Variants in RIGI observed in about 807,000 individuals in gnomAD.
RIGI encodes the protein RNA sensor RIG-I.
At chr9:32,495,965 T>A in the RIGI span, among the ~76,000 whole-genome samples, 29 of 152,352 alleles carry the variant, frequency 1.9e-4, no homozygotes, top group East Asian at 4.8e-3. Context: ...GTCTTTGAGT[T>A]GCAGGAGTTC....
At chr9:32,525,917 C>A in the RIGI span, 1 of 717,172 alleles carries the variant, frequency 1.4e-6, no homozygotes, top group East Asian at 2.8e-5. Flanking sequence ...CTGGCAACCT[C>A]TAGCCTAAAA....
chr9:32,523,898 C>G, the RIGI span, among the ~76,000 whole-genome samples: 1 of 151,946 alleles, frequency 6.6e-6, no homozygotes, highest in South Asian at 2.1e-4. Context: ...TCCTGCCTCT[C>G]TCTCCACAAT....
At chr9:32,479,682 C>T in the RIGI span, among the ~76,000 whole-genome samples, 2 of 151,714 alleles carry the variant, frequency 1.3e-5, no homozygotes, top group Admixed American at 1.3e-4. Context: ...ACTAAAAATA[C>T]AAAAATTAGC....
chr9:32,494,000 G>A, the RIGI span: 14 of 1,283,904 alleles, frequency 1.1e-5, no homozygotes, highest in South Asian at 5.6e-5. Flanking sequence ...AATACTTTGA[G>A]ATTAGTATCA....
At chr9:32,497,546 G>C in the RIGI span, among the ~76,000 whole-genome samples, 55 of 152,316 alleles carry the variant, frequency 3.6e-4, no homozygotes, top group Middle Eastern at 3.4e-3. Flanking sequence ...AGGAGATTGA[G>C]ACCATCCTGG....
chr9:32,488,706 A>C, the RIGI span: 1 of 1,497,244 alleles, frequency 6.7e-7, no homozygotes, highest in Non-Finnish European at 8.9e-7. Flanking sequence ...GCTGGAGAAA[A>C]AGAAGTTGAA....
chr9:32,476,916 C>G, the RIGI span: 6 of 1,388,138 alleles, frequency 4.3e-6, no homozygotes, highest in Non-Finnish European at 6.0e-6. Context: ...GACACCATAC[C>G]CAGCCCAATC....
the RIGI span, chr9:32,480,360 G>C: frequency 6.3e-7 from 1 of 1,577,838 alleles, no homozygotes; most frequent in African/African-American, 1.3e-5. Flanking sequence ...TATTTCTGTT[G>C]AAAGTAAAAA....
the RIGI span, chr9:32,493,751 A>G: frequency 6.6e-7 from 1 of 1,514,702 alleles, no homozygotes; most frequent in Non-Finnish European, 9.0e-7. Context: ...AGTATTTTAT[A>G]TTAACTTACC....
At chr9:32,493,722 A>C in the RIGI span, 1 of 1,345,764 alleles carries the variant, frequency 7.4e-7, no homozygotes, top group Non-Finnish European at 1.0e-6. Context: ...CCCATGTTAT[A>C]ATTATTTCCC....
the RIGI span, among the ~76,000 whole-genome samples, chr9:32,524,744 A>G: frequency 1.3e-4 from 20 of 151,578 alleles, no homozygotes; most frequent in Non-Finnish European, 2.4e-4. Context: ...CTGGGACTAC[A>G]GGAGTGCACC....
the RIGI span, among the ~76,000 whole-genome samples, chr9:32,469,260 C>T: frequency 6.6e-6 from 1 of 152,162 alleles, no homozygotes; most frequent in Non-Finnish European, 1.5e-5. Flanking sequence ...TGCCCTGCCC[C>T]TGAGATCGTG....
At chr9:32,485,658 A>G in the RIGI span, 6 of 383,230 alleles carry the variant, frequency 1.6e-5, no homozygotes, top group Non-Finnish European at 2.5e-5. Flanking sequence ...CTTCTGCCTC[A>G]GCCTCCCAAG....
At chr9:32,500,080 G>T in the RIGI span, among the ~76,000 whole-genome samples, 1 of 152,138 alleles carries the variant, frequency 6.6e-6, no homozygotes, top group African/African-American at 2.4e-5. Flanking sequence ...TCAATGGTCA[G>T]TTTGTCAATG....
chr9:32,492,733 C>T, the RIGI span, among the ~76,000 whole-genome samples: 1 of 152,144 alleles, frequency 6.6e-6, no homozygotes, highest in African/African-American at 2.4e-5. Flanking sequence ...CATCTTTGTC[C>T]TTTACACATG....
chr9:32,464,718 G>A, the RIGI span, among the ~76,000 whole-genome samples: 1 of 152,110 alleles, frequency 6.6e-6, no homozygotes, highest in Non-Finnish European at 1.5e-5. Flanking sequence ...CTTTGAGCAG[G>A]GCAGCTGGGC....
At chr9:32,487,413 A>G in the RIGI span, 12 of 1,537,506 alleles carry the variant, frequency 7.8e-6, no homozygotes, top group Non-Finnish European at 1.1e-5. Context: ...GATGGCTCTG[A>G]ACTAGAGGTA....
At chr9:32,466,810 G>A in the RIGI span, among the ~76,000 whole-genome samples, 1 of 151,860 alleles carries the variant, frequency 6.6e-6, no homozygotes, top group Middle Eastern at 3.4e-3. Context: ...AACAATGCAG[G>A]GTGATTAGAC....
the RIGI span, among the ~76,000 whole-genome samples, chr9:32,494,177 C>G: frequency 1.3e-5 from 2 of 152,116 alleles, no homozygotes; most frequent in African/African-American, 4.8e-5. Context: ...CTAAGGAAAA[C>G]TTTGAAGTCT....
Sources: allele counts gnomAD v4.1 joint callset (sites outside exome capture counted in the v4.1 genomes callset), GRCh38; gene constraint gnomAD v4.1.1; transcripts MANE v1.5; gene names NCBI Gene and HGNC (gene_info 2026-07-23, HGNC 2026-07-21).